The following PPM1L variants were observed in gnomAD, a reference collection of about 807,000 sequenced individuals.
The protein encoded by PPM1L is protein phosphatase, Mg2+/Mn2+ dependent 1L.
Under a neutral mutation model 31.4 loss-of-function variants are expected in PPM1L, and 13 were observed. The ratio of observed to expected loss-of-function variants is 0.41; its 90% CI spans 0.27 to 0.66. The LOEUF is 0.66. Ranked by LOEUF, PPM1L falls within the 30% of genes least tolerant of loss-of-function variation. The probability of loss-of-function intolerance (pLI) is 0.29; values close to 1 mark genes in which losing one functional copy is unlikely to be tolerated. For synonymous variants in PPM1L, 184 were observed against 175.4 expected (o/e 1.05, Z -0.39); for missense variants, 326 against 453.7 (o/e 0.72, Z 2.56).
intron 1 of PPM1L, among the ~76,000 whole-genome samples, chr3:160,874,906 G>C (rs999451516): frequency 6.6e-6 from 1 of 152,182 alleles, no homozygotes; most frequent in African/African-American, 2.4e-5. Context: ...TTTTCCCAGT[G>C]TAGGCAATAG....
chr3:161,053,595 G>A (rs1246321806), intron 2 of PPM1L, among the ~76,000 whole-genome samples: 1 of 152,220 alleles, frequency 6.6e-6, no homozygotes, highest in Non-Finnish European at 1.5e-5. Context: ...TAACTCTGGT[G>A]AAGTGTGAAA....
intron 2 of PPM1L, among the ~76,000 whole-genome samples, chr3:160,996,150 C>T (rs939952929): frequency 1.3e-5 from 2 of 152,102 alleles, no homozygotes; most frequent in African/African-American, 4.8e-5. Context: ...TAGATGTTGG[C>T]ATGGATGTGG....
chr3:160,994,551 T>C (rs2108046565), intron 2 of PPM1L, among the ~76,000 whole-genome samples: 1 of 152,320 alleles, frequency 6.6e-6, no homozygotes, highest in South Asian at 2.1e-4. Flanking sequence ...CACTCCCAAG[T>C]TCCCTAGCTC....
chr3:160,992,696 CAATACAGGG>C (rs1717174487), intron 2 of PPM1L, among the ~76,000 whole-genome samples: 1 of 152,130 alleles, frequency 6.6e-6, no homozygotes, highest in Non-Finnish European at 1.5e-5. Context: ...CACAGTTTAC[CAATACAGGG>C]AAAGAAAGGA....
chr3:161,002,542 A>G (rs1717533246), intron 2 of PPM1L, among the ~76,000 whole-genome samples: 2 of 150,778 alleles, frequency 1.3e-5, no homozygotes, highest in African/African-American at 4.9e-5. Flanking sequence ...AACTGGTGTG[A>G]GATGGTATCT....
intron 1 of PPM1L, chr3:160,939,803 T>A (rs1037287446): frequency 6.1e-6 from 1 of 163,466 alleles, no homozygotes; most frequent in Non-Finnish European, 1.3e-5. Context: ...AGTAAATTGG[T>A]ATCAGTAAAG....
intron 1 of PPM1L, among the ~76,000 whole-genome samples, chr3:160,827,455 G>GTGTGTA (rs1553810061): frequency 2.2e-5 from 3 of 139,518 alleles, no homozygotes; most frequent in African/African-American, 7.9e-5. Flanking sequence ...GTTTGTGTGT[G>GTGTGTA]TGTGTGTGTG....
intron 2 of PPM1L, among the ~76,000 whole-genome samples, chr3:161,029,358 C>T (rs112789583): frequency 0.025 from 3,813 of 152,266 alleles, 84 homozygotes; most frequent in South Asian, 0.044. Context: ...ATTTGAAACC[C>T]CTGTCCATCT....
chr3:160,880,927 G>C (rs1212618449), intron 1 of PPM1L, among the ~76,000 whole-genome samples: 2 of 152,090 alleles, frequency 1.3e-5, no homozygotes, highest in Admixed American at 6.5e-5. Context: ...ATATATAGTA[G>C]GATATAATGA....
rs200642876 is a variant in PPM1L, at chr3:160,766,744, G to GTTTTTTTTTTTTT, written c.399+10038_399+10050dup. 8.1e-3 allele frequency among the ~76,000 whole-genome samples: 1,153 copies of GTTTTTTTTTTTTT among 141,906 alleles called. 10 individuals carry two copies. Among genetic ancestry groups the GTTTTTTTTTTTTT allele is most frequent in the African/African-American group, 0.029 (1,083 of 37,764 alleles). The allele number at this position is 141,906 out of a possible 152,430, so 93.1% of individuals were successfully genotyped here. ...TCTTGATCACTTGATCTCTCTGGAG[G>GTTTTTTTTTTTTT]TTTTTTTTTTTTTCCCTTCTCTTTC... On this transcript the variant is annotated intron_variant, in intron 1 of 3. Transcript: ENST00000498165.
At chr3:161,010,503 T>C (rs1252921059) in intron 2 of PPM1L, among the ~76,000 whole-genome samples, 4 of 152,322 alleles carry the variant, frequency 2.6e-5, no homozygotes, top group African/African-American at 7.2e-5. Context: ...TGTGTCTTTA[T>C]AGCAGCATGA....
chr3:160,795,339 T>C (rs954604766), intron 1 of PPM1L, among the ~76,000 whole-genome samples: 1 of 152,192 alleles, frequency 6.6e-6, no homozygotes, highest in African/African-American at 2.4e-5. Flanking sequence ...TTTATTGTCG[T>C]GGAGGCTGTC....
intron 1 of PPM1L, among the ~76,000 whole-genome samples, chr3:160,872,553 T>A (rs192763913): frequency 1.3e-4 from 20 of 152,366 alleles, no homozygotes; most frequent in African/African-American, 4.8e-4. Flanking sequence ...AATTAAATTT[T>A]GATTGCATTT....
intron 1 of PPM1L, among the ~76,000 whole-genome samples, chr3:160,853,386 A>T (rs1711584861): frequency 6.6e-6 from 1 of 152,174 alleles, no homozygotes; most frequent in Admixed American, 6.5e-5. Context: ...TATCATCATA[A>T]TCTTTCTAAA....
chr3:160,950,112 A>G (rs1452448006), intron 1 of PPM1L, among the ~76,000 whole-genome samples: 1 of 151,946 alleles, frequency 6.6e-6, no homozygotes, highest in Non-Finnish European at 1.5e-5. Context: ...AGAGTAGAGA[A>G]CATTTGTCTT....
rs558918356 is a variant in PPM1L, at chr3:161,075,752, T to C, written c.*6595T>C. 2 of 152,366 alleles carry C rather than the reference T, an allele frequency of 1.3e-5. No homozygotes were observed. The highest frequency in any genetic ancestry group is 2.9e-5 in the Non-Finnish European group (2 of 68,032). 9.4% of individuals were successfully genotyped at this position (152,366 alleles called of 1,614,324 possible). On this transcript the variant is annotated 3_prime_UTR_variant, in exon 4 of 4. Transcript: ENST00000498165. Reference sequence around the variant, plus strand: ...ATTACATCATGAATTATGCTTTCTGTACTTACGCTCTTAGTGAAGGAGATA... The same window carrying C: ...ATTACATCATGAATTATGCTTTCTGCACTTACGCTCTTAGTGAAGGAGATA...
rs549036497 is a variant in PPM1L, at chr3:161,042,950, A to G, written c.575-22453A>G. Among the ~76,000 whole-genome samples, 3 of 151,156 alleles carry G rather than the reference A, an allele frequency of 2.0e-5. No individual in the cohort carries two copies. The East Asian group carries it at 5.9e-4, about 30-fold the overall frequency. ...CAGGAGAATTGCTTGAACTGAGGAC[A>G]CGGAGGTTGCAGTGAGCTGAGATCA... On this transcript the variant is annotated intron_variant, in intron 2 of 3. Coordinates refer to ENST00000498165, the MANE Select transcript of PPM1L (RefSeq NM_139245.4).
At chr3:161,067,561 CTGGCAGCAA>C (rs1434604017) in intron 3 of PPM1L, among the ~76,000 whole-genome samples, 1 of 152,228 alleles carries the variant, frequency 6.6e-6, no homozygotes, top group Non-Finnish European at 1.5e-5. Flanking sequence ...TTATCCTGTG[CTGGCAGCAA>C]AGCCTAGCAC....
In PPM1L at chr3:160,961,852, G is replaced by C; in HGVS notation, c.516G>C (p.Gln172His). ...VLSYQTILEQ[Q>H]ILSIDREMLE... Reference sequence around the variant, plus strand: ...CTTACCAGACCATCCTTGAACAGCAGATTTTGTCAATTGACCGAGAAATGC... The same window carrying C: ...CTTACCAGACCATCCTTGAACAGCACATTTTGTCAATTGACCGAGAAATGC... Residue 172 changes from glutamine to histidine, a missense_variant, in exon 2 of 4, where the codon CAG becomes CAC. Around this residue, in one of 3 missense-constraint regions of PPM1L, gnomAD observed 201 missense variants for 298.2 expected, o/e 0.67. Coordinates refer to ENST00000498165, the MANE Select transcript of PPM1L (RefSeq NM_139245.4). 1 of 1,596,618 alleles carries C rather than the reference G, an allele frequency of 6.3e-7. No individual in the cohort carries two copies. Among genetic ancestry groups the C allele is most frequent in the Non-Finnish European group, 8.5e-7 (1 of 1,172,414 alleles).
Sources: gnomAD v4.1 joint callset for allele counts (sites outside exome capture counted in the v4.1 genomes callset) on GRCh38, gnomAD v4.1.1 for gene constraint, gnomAD v4.1.1 regional missense constraint, MANE v1.5 for transcripts, NCBI Gene and HGNC (gene_info 2026-07-23, HGNC 2026-07-21) for gene names.